The following PLSCR1 variants were observed in gnomAD, a reference collection of about 807,000 sequenced individuals.
PLSCR1 encodes the protein PL scramblase 1.
PLSCR1 carries 17 observed loss-of-function variants against 37.8 expected under a neutral mutation model. That is an observed-to-expected ratio of 0.45 (90% CI 0.31 to 0.68). PLSCR1 has a LOEUF of 0.68. PLSCR1 is among the 30% of genes least tolerant of loss of function. PLSCR1 has a pLI of 0.06. For synonymous variants in PLSCR1, 116 were observed against 125.9 expected (o/e 0.92, Z 0.53); for missense variants, 347 against 380.9 (o/e 0.91, Z 0.74).
Position 146,528,698 on chromosome 3 carries a change from C to A in PLSCR1, c.228G>T (p.Gln76His), listed in dbSNP as rs560059791. 6.2e-7 allele frequency: 1 copy of A among 1,606,002 alleles called. No individual in the cohort carries two copies. The highest frequency in any genetic ancestry group is 8.5e-7 in the Non-Finnish European group (1 of 1,172,580). The change falls in exon 4 of 9, where the codon CAG becomes CAT. Residue 76 changes from glutamine to histidine, a missense_variant. Transcript: ENST00000342435. ...ATGGTACCCCTGCAGCTCCAACTGG[C>A]TGATTATATACTGGCTGATTATACA... ...QPVYNQPVYN[Q>H]PVGAAGVPWM...
Position 146,521,745 on chromosome 3 carries a change from A to T in PLSCR1, c.577-40T>A, listed in dbSNP as rs370215766. On this transcript the variant is annotated intron_variant, in intron 6 of 8. Coordinates refer to ENST00000342435, the MANE Select transcript of PLSCR1 (RefSeq NM_021105.3). ...TAATATATGTAAATGTAATAATCAT[A>T]ATGCCTAGGTTCGATGAAAGGTTCA... The T allele has an allele frequency of 5.0e-6, 8 of 1,584,706 alleles. No individual in the cohort carries two copies. In the African/African-American group the frequency reaches 8.1e-5, roughly 16 times the overall value.
intron 3 of PLSCR1, 143 bp from the exon 4 acceptor site, chr3:146,528,974 T>G (rs2044158620): frequency 3.1e-6 from 2 of 641,256 alleles, no homozygotes. Context: ...TTTCTCTTTC[T>G]GAGATTTTTC....
intron 1 of PLSCR1, among the ~76,000 whole-genome samples, chr3:146,537,200 T>A (rs1231091550): frequency 6.6e-6 from 1 of 152,124 alleles, no homozygotes; most frequent in East Asian, 1.9e-4. Flanking sequence ...TGAAACTTTG[T>A]ACTCGGTATT....
At chr3:146,518,188 G>A (rs1171366384) in intron 7 of PLSCR1, among the ~76,000 whole-genome samples, 2 of 152,170 alleles carry the variant, frequency 1.3e-5, no homozygotes, top group African/African-American at 4.8e-5. Context: ...AACAACGGGT[G>A]TTAGCAGATA....
intron 4 of PLSCR1, among the ~76,000 whole-genome samples, chr3:146,527,189 G>A (rs1318988904): frequency 6.6e-6 from 1 of 152,102 alleles, no homozygotes; most frequent in Non-Finnish European, 1.5e-5. Flanking sequence ...GAAGGGTAGG[G>A]AGGAGAGGTA....
chr3:146,540,800 G>A (rs1448583949), intron 1 of PLSCR1: 8 of 152,084 alleles, frequency 5.3e-5, no homozygotes, highest in Admixed American at 5.2e-4. Context: ...GAATAACTGA[G>A]AATAAGATAC....
rs772555764 is a variant in PLSCR1, at chr3:146,521,708, A to G, written c.577-3T>C. On this transcript the variant is annotated splice_region_variant and splice_polypyrimidine_tract_variant and intron_variant, in intron 6 of 8. Transcript: ENST00000342435. ...CCAGGAGGAGCTTGGATTTCTATCT[A>G]CAAAGGCAAAATAATATATGTAAAT... 3.1e-6 allele frequency: 5 copies of G among 1,610,676 alleles called. No homozygotes were observed. The South Asian group carries it at 5.5e-5, about 18-fold the overall frequency.
intron 4 of PLSCR1, among the ~76,000 whole-genome samples, chr3:146,527,405 A>G (rs1218627500): frequency 6.6e-6 from 1 of 152,238 alleles, no homozygotes; most frequent in Non-Finnish European, 1.5e-5. Context: ...CTTATTTTTC[A>G]TTACACGTAG....
chr3:146,527,585 T>C (rs911091306), intron 4 of PLSCR1, among the ~76,000 whole-genome samples: 2 of 152,232 alleles, frequency 1.3e-5, no homozygotes, highest in African/African-American at 4.8e-5. Context: ...CAGATTTGTA[T>C]TAAGCATACT....
At chr3:146,523,254 G>C (rs1378530742) in intron 5 of PLSCR1, among the ~76,000 whole-genome samples, 1 of 152,210 alleles carries the variant, frequency 6.6e-6, no homozygotes, top group East Asian at 1.9e-4. Context: ...CTGGAAACAA[G>C]TTATATTTTC....
chr3:146,522,134 T>C (rs2044031789), intron 5 of PLSCR1, 81 bp from the exon 6 acceptor site: 4 of 820,350 alleles, frequency 4.9e-6, no homozygotes, highest in Non-Finnish European at 8.2e-6. Context: ...TATCTAGCTA[T>C]GCCAGTTTTT....
intron 1 of PLSCR1, among the ~76,000 whole-genome samples, chr3:146,543,643 A>T (rs2044366192): frequency 6.6e-6 from 1 of 152,264 alleles, no homozygotes; most frequent in Non-Finnish European, 1.5e-5. Context: ...CCTGGGAACC[A>T]GAGAATCAGC....
At chr3:146,538,647 TA>T (rs1419362277) in intron 1 of PLSCR1, among the ~76,000 whole-genome samples, 1 of 152,114 alleles carries the variant, frequency 6.6e-6, no homozygotes, top group Non-Finnish European at 1.5e-5. Context: ...AGAAAAGCAC[TA>T]AATAATGTCT....
chr3:146,527,486 A>G (rs1208855984), intron 4 of PLSCR1, among the ~76,000 whole-genome samples: 2 of 152,256 alleles, frequency 1.3e-5, no homozygotes, highest in Non-Finnish European at 2.9e-5. Flanking sequence ...AAACAATTCA[A>G]AAGGTAGAAA....
intron 4 of PLSCR1, 40 bp from the exon 5 acceptor site, chr3:146,525,687 A>G: frequency 2.0e-6 from 2 of 985,362 alleles, no homozygotes; most frequent in South Asian, 3.0e-5. Context: ...TATATGTCAA[A>G]TGAAGGTTTT....
At chr3:146,536,427 A>G (rs577368440) in intron 2 of PLSCR1, 113 bp downstream of exon 2, 1 of 669,584 alleles carries the variant, frequency 1.5e-6, no homozygotes, top group Non-Finnish European at 2.7e-6. Flanking sequence ...CATAAACAAC[A>G]GAAAACAAAT....
intron 8 of PLSCR1, 97 bp from the exon 9 acceptor site, chr3:146,516,198 A>G (rs572246808): frequency 3.1e-6 from 2 of 655,664 alleles, no homozygotes; most frequent in African/African-American, 1.9e-5. Flanking sequence ...GAAACACAGT[A>G]ACAAATCTGT....
rs75367583 is a variant in PLSCR1 at position 146,534,251 on chromosome 3, A to G, written c.14-701T>C. ...CGGTTACCTACCGCAGCCAGTCTCT[A>G]AATATTTACTGAGCATGTCCTGTGT... is the stretch of plus-strand genomic sequence containing the variant. On this transcript the variant is annotated intron_variant, in intron 2 of 8. Coordinates refer to ENST00000342435, the MANE Select transcript of PLSCR1 (RefSeq NM_021105.3). Among the ~76,000 whole-genome samples, 1,519 of 152,292 alleles carry G rather than the reference A, an allele frequency of 1.0e-2. 18 individuals carry two copies. The highest frequency in any genetic ancestry group is 0.035 in the African/African-American group (1,457 of 41,556).
intron 4 of PLSCR1, among the ~76,000 whole-genome samples, chr3:146,526,312 G>A (rs2044111739): frequency 6.6e-6 from 1 of 150,534 alleles, no homozygotes; most frequent in Non-Finnish European, 1.5e-5. Context: ...ACCACAATGA[G>A]ATATTATCTT....
Sources: allele counts gnomAD v4.1 joint callset (sites outside exome capture counted in the v4.1 genomes callset), GRCh38; gene constraint gnomAD v4.1.1; transcripts MANE v1.5; gene names NCBI Gene and HGNC (gene_info 2026-07-23, HGNC 2026-07-21).